Variants in PTPRD observed in about 807,000 individuals in gnomAD.
The protein encoded by PTPRD is protein tyrosine phosphatase receptor type D.
Under a neutral mutation model 214.5 loss-of-function variants are expected in PTPRD, and 34 were observed. That is an observed-to-expected ratio of 0.16 (90% confidence interval 0.12 to 0.21). PTPRD has a LOEUF of 0.21. Among genes scored for constraint, PTPRD ranks in the 10% least tolerant of loss-of-function variants. PTPRD has a pLI of 1.00. For missense variants in PTPRD, 2,545 were observed against 2,398.7 expected, an observed-to-expected ratio of 1.06 and a Z score of -1.27; for synonymous variants, 1,128 against 845.7, an observed-to-expected ratio of 1.33 and a Z score of -5.79.
chr9:9,947,077 G>T (rs989573293), intron 4 of PTPRD, among the ~76,000 whole-genome samples: 1 of 150,168 alleles, frequency 6.7e-6, no homozygotes, highest in Non-Finnish European at 1.5e-5. Context: ...CAAAAGAAAT[G>T]ATCTTTTTAT....
At chr9:10,591,646 A>T (rs925182186) in intron 2 of PTPRD, among the ~76,000 whole-genome samples, 3 of 152,086 alleles carry the variant, frequency 2.0e-5, no homozygotes, top group Admixed American at 2.0e-4. Flanking sequence ...CCCAAGAAAA[A>T]CACTTTGGTG....
chr9:9,384,343 CTTTTTTTTTTTTTTTTTTTT>C (rs869246078), intron 9 of PTPRD, among the ~76,000 whole-genome samples: 700 of 33,264 alleles, frequency 0.021, 2 homozygotes, highest in Middle Eastern at 0.095. Flanking sequence ...GAAGACTAGG[CTTTTTTTTTTTTTTTTTTTT>C]TTTTTTTTTT....
intron 10 of PTPRD, among the ~76,000 whole-genome samples, chr9:9,122,539 C>G (rs1036209495): frequency 2.0e-5 from 3 of 152,052 alleles, no homozygotes; most frequent in Non-Finnish European, 2.9e-5. Flanking sequence ...TTTTGGACTC[C>G]TCTTCATTCC....
chr9:9,821,615 T>A (rs191735056), intron 5 of PTPRD, among the ~76,000 whole-genome samples: 8 of 152,308 alleles, frequency 5.3e-5, no homozygotes, highest in African/African-American at 1.9e-4. Flanking sequence ...ATGTGTTTTC[T>A]TCCTATGCAT....
rs1269381621 is a variant in PTPRD, at chr9:8,338,973, C to G, written c.5328G>C (p.Glu1776Asp). The G allele has an allele frequency of 1.2e-6, 2 of 1,612,310 alleles. No homozygotes were observed. Among genetic ancestry groups the G allele is most frequent in the Admixed American group, 1.7e-5 (1 of 59,884 alleles). Reference protein sequence around the residue: ...YQYFVVDPMAEYNMPQYILRE... With the variant: ...YQYFVVDPMADYNMPQYILRE... The stretch of plus-strand genomic sequence containing the variant: ...TTAGGATATACTGTGGCATGTTGTA[C>G]TCAGCCATGGGATCTACAACAAAGT... Residue 1776 changes from glutamate (E) to aspartate (D), a missense_variant, in exon 43 of 46, where the codon GAG (glutamate) becomes GAC (aspartate). By Grantham distance (45) the Glu-to-Asp change is conservative (BLOSUM62 2). Transcript: ENST00000381196.
chr9:10,488,747 C>A (rs1225305437), intron 2 of PTPRD, among the ~76,000 whole-genome samples: 2 of 152,138 alleles, frequency 1.3e-5, no homozygotes, highest in Admixed American at 1.3e-4. Flanking sequence ...CCACCACAGG[C>A]CCATGGGGAG....
At chr9:9,656,537 A>T (rs1280273673) in intron 7 of PTPRD, among the ~76,000 whole-genome samples, 1 of 152,208 alleles carries the variant, frequency 6.6e-6, no homozygotes, top group Middle Eastern at 3.2e-3. Context: ...GATTCCAATT[A>T]CATGAAATTC....
At chr9:10,193,643 A>G (rs903994914) in intron 3 of PTPRD, among the ~76,000 whole-genome samples, 2 of 152,130 alleles carry the variant, frequency 1.3e-5, no homozygotes, top group Admixed American at 6.6e-5. Context: ...TCTTTTCAGG[A>G]TGCCAATAAC....
intron 9 of PTPRD, among the ~76,000 whole-genome samples, chr9:9,215,255 G>C (rs774361900): frequency 9.9e-5 from 15 of 152,104 alleles, no homozygotes; most frequent in Non-Finnish European, 1.8e-4. Context: ...TCACGCCTGA[G>C]AGTAGTTTAA....
intron 11 of PTPRD, among the ~76,000 whole-genome samples, chr9:9,018,437 A>T (rs572549970): frequency 6.6e-6 from 1 of 152,290 alleles, no homozygotes; most frequent in South Asian, 2.1e-4. Flanking sequence ...ATTATTTAGG[A>T]CTTGAAATTT....
intron 7 of PTPRD, among the ~76,000 whole-genome samples, chr9:9,588,889 A>T (rs937224426): frequency 1.3e-5 from 2 of 151,962 alleles, no homozygotes; most frequent in African/African-American, 4.8e-5. Context: ...GTTGGGTTCA[A>T]ACTCTTTGTA....
At chr9:9,896,302 G>C (rs1363500450) in intron 5 of PTPRD, among the ~76,000 whole-genome samples, 1 of 152,060 alleles carries the variant, frequency 6.6e-6, no homozygotes, top group East Asian at 1.9e-4. Flanking sequence ...GGTAAGAAAA[G>C]AGTCATGGAC....
At chr9:9,261,082 A>G (rs984004955) in intron 9 of PTPRD, among the ~76,000 whole-genome samples, 7 of 152,002 alleles carry the variant, frequency 4.6e-5, no homozygotes, top group Admixed American at 1.3e-4. Context: ...TTTTCTCATA[A>G]AAGACTAGAA....
chr9:9,688,196 T>C (rs2097199401), intron 7 of PTPRD, among the ~76,000 whole-genome samples: 1 of 151,900 alleles, frequency 6.6e-6, no homozygotes, highest in Non-Finnish European at 1.5e-5. Flanking sequence ...AGTATCTTTA[T>C]AGCAGTGTAT....
At chr9:9,507,107 A>G (rs1162949553) in intron 8 of PTPRD, among the ~76,000 whole-genome samples, 1 of 151,480 alleles carries the variant, frequency 6.6e-6, no homozygotes, top group Non-Finnish European at 1.5e-5. Flanking sequence ...ATTCTAGGAA[A>G]TAATAAAAGA....
At chr9:9,762,607 C>T (rs1261601634) in intron 6 of PTPRD, among the ~76,000 whole-genome samples, 2 of 152,206 alleles carry the variant, frequency 1.3e-5, no homozygotes, top group Non-Finnish European at 2.9e-5. Flanking sequence ...CACTAGAACA[C>T]TATTCAGCCA....
At position 8,732,335 on chromosome 9, in the gene PTPRD, C is replaced by T. The variant is rs575091524; in HGVS notation, c.64+1445G>A. Among the ~76,000 whole-genome samples the T allele has an allele frequency of 9.0e-4, 137 of 152,254 alleles. 1 individual carries two copies. Among genetic ancestry groups the T allele is most frequent in the African/African-American group, 3.1e-3 (130 of 41,546 alleles). The stretch of plus-strand genomic sequence containing the variant: ...AAGAAAAACTCTAGCTGTGATCTGA[C>T]ATTAAACTGGGCTCCCAGGGTCTAA... On this transcript the variant is annotated intron_variant, in intron 12 of 45. Transcript: ENST00000381196.
chr9:10,255,476 T>A (rs79684450), intron 3 of PTPRD, among the ~76,000 whole-genome samples: 1,829 of 152,294 alleles, frequency 0.012, 45 homozygotes, highest in African/African-American at 0.042. Context: ...GTGATACACC[T>A]GCATAAGGCA....
rs541338516 is a variant in PTPRD, at chr9:8,524,169, G to A, written c.680-645C>T. Among the ~76,000 whole-genome samples the A allele has an allele frequency of 1.6e-4, 25 of 152,252 alleles. No homozygotes were observed. In the South Asian group the frequency reaches 4.6e-3, roughly 28 times the overall value. On this transcript the variant is annotated intron_variant, in intron 18 of 45. Transcript: ENST00000381196. ...AATGGAAAGGCATAGCCATTCATAAGCTCACAGTTTAATCATTTCTATTAC... is the reference window on the plus strand; with the variant it reads ...AATGGAAAGGCATAGCCATTCATAAACTCACAGTTTAATCATTTCTATTAC...
Sources: allele counts gnomAD v4.1 joint callset (sites outside exome capture counted in the v4.1 genomes callset), GRCh38; gene constraint gnomAD v4.1.1; transcripts MANE v1.5; gene names NCBI Gene and HGNC (gene_info 2026-07-23, HGNC 2026-07-21).